The following PCDHA13 variants were observed in gnomAD, a reference collection of about 807,000 sequenced individuals.
PCDHA13 encodes protocadherin alpha-13.
Under a neutral mutation model 64.8 loss-of-function variants are expected in PCDHA13, and 54 were observed. The observed-to-expected ratio is 0.83, with a 90% CI of 0.67 to 1.04. The LOEUF (loss-of-function observed/expected upper bound fraction) is 1.04. PCDHA13 is among the 50% of genes least tolerant of loss of function. The pLI, the probability that PCDHA13 is intolerant of heterozygous loss-of-function variation, is 0.00. For missense variants in PCDHA13, 1,248 were observed against 1,254.3 expected (o/e 0.99, Z 0.08); for synonymous variants, 587 against 564.4 (o/e 1.04, Z -0.57).
chr5:140,986,413 C>G (rs2097199513), intron 3 of PCDHA13, among the ~76,000 whole-genome samples: 1 of 152,156 alleles, frequency 6.6e-6, no homozygotes, highest in African/African-American at 2.4e-5. Context: ...TGTTACAGCT[C>G]TTTTTAACTT....
intron 1 of PCDHA13, among the ~76,000 whole-genome samples, chr5:140,958,710 A>G (rs1446140877): frequency 1.3e-5 from 2 of 152,210 alleles, no homozygotes; most frequent in Non-Finnish European, 2.9e-5. Flanking sequence ...CAACTCTGTT[A>G]TAATAAATGT....
intron 3 of PCDHA13, among the ~76,000 whole-genome samples, chr5:141,005,899 A>G (rs2098245270): frequency 6.6e-6 from 1 of 151,978 alleles, no homozygotes; most frequent in East Asian, 1.9e-4. Flanking sequence ...TCAAGCAATG[A>G]TTGCACCACT....
At chr5:140,947,010 A>C (rs924112965) in intron 1 of PCDHA13, among the ~76,000 whole-genome samples, 7 of 151,752 alleles carry the variant, frequency 4.6e-5, no homozygotes, top group African/African-American at 1.4e-4. Flanking sequence ...AGAAATGATA[A>C]ATGTTTGAGG....
chr5:140,909,234 A>G (rs782659410), intron 1 of PCDHA13, among the ~76,000 whole-genome samples: 12 of 152,220 alleles, frequency 7.9e-5, no homozygotes, highest in Non-Finnish European at 1.3e-4. Context: ...GTAGGATGGT[A>G]AAGATATATT....
intron 1 of PCDHA13, among the ~76,000 whole-genome samples, chr5:140,933,949 G>A (rs184768008): frequency 6.6e-6 from 1 of 151,792 alleles, no homozygotes; most frequent in African/African-American, 2.4e-5. Flanking sequence ...CACATCTGCA[G>A]GATCTGTAGT....
At chr5:140,953,258 T>C (rs1042358653) in intron 1 of PCDHA13, among the ~76,000 whole-genome samples, 22 of 152,304 alleles carry the variant, frequency 1.4e-4, no homozygotes, top group African/African-American at 5.3e-4. Context: ...TTAGTTCTTT[T>C]AGCTTTAGCC....
intron 1 of PCDHA13, among the ~76,000 whole-genome samples, chr5:140,954,347 G>A (rs145658065): frequency 0.023 from 3,565 of 152,288 alleles, 49 homozygotes; most frequent in Middle Eastern, 0.034. Flanking sequence ...CTAGATCTTT[G>A]AGGAATCGCC....
intron 1 of PCDHA13, among the ~76,000 whole-genome samples, chr5:140,945,249 T>C (rs1181677082): frequency 6.6e-6 from 1 of 152,050 alleles, no homozygotes; most frequent in African/African-American, 2.4e-5. Flanking sequence ...ACCAAGAGGA[T>C]GAAAGACCTG....
intron 1 of PCDHA13, chr5:140,928,383 G>T (rs1474490422): frequency 2.5e-6 from 4 of 1,613,920 alleles, no homozygotes; most frequent in South Asian, 1.1e-5. Context: ...CCTCTAGCTT[G>T]CTGGCAGTGG....
intron 3 of PCDHA13, among the ~76,000 whole-genome samples, chr5:141,005,012 G>T (rs782256217): frequency 3.3e-5 from 5 of 152,212 alleles, no homozygotes; most frequent in Non-Finnish European, 4.4e-5. Context: ...CCTGAGAGCT[G>T]CATTATATAT....
chr5:140,901,575 C>T (rs1554189900), intron 1 of PCDHA13, among the ~76,000 whole-genome samples: 1 of 152,030 alleles, frequency 6.6e-6, no homozygotes, highest in African/African-American at 2.4e-5. Context: ...GTTTTTATGC[C>T]AGTGCCATGA....
intron 3 of PCDHA13, among the ~76,000 whole-genome samples, chr5:141,006,560 C>G (rs1179730864): frequency 2.0e-5 from 3 of 152,084 alleles, no homozygotes; most frequent in Non-Finnish European, 4.4e-5. Flanking sequence ...AAAGATGACT[C>G]TGGCTACTGT....
intron 1 of PCDHA13, among the ~76,000 whole-genome samples, chr5:140,925,685 G>A (rs1584406507): frequency 7.3e-6 from 1 of 137,694 alleles, no homozygotes; most frequent in South Asian, 2.3e-4. Flanking sequence ...ATAAAGCGAG[G>A]GTGGGTATCT....
At chr5:140,909,872 G>A (rs1245615872) in intron 1 of PCDHA13, among the ~76,000 whole-genome samples, 2 of 152,182 alleles carry the variant, frequency 1.3e-5, no homozygotes, top group African/African-American at 4.8e-5. Flanking sequence ...GTCAACGTCA[G>A]CTTAGAGACA....
intron 1 of PCDHA13, chr5:140,927,490 C>G: frequency 1.2e-6 from 2 of 1,614,132 alleles, no homozygotes; most frequent in Non-Finnish European, 8.5e-7. Flanking sequence ...CGCCACCCAC[C>G]TGCTGGTGCT....
chr5:140,947,760 A>C (rs1332466215), intron 1 of PCDHA13, among the ~76,000 whole-genome samples: 1 of 151,618 alleles, frequency 6.6e-6, no homozygotes, highest in Non-Finnish European at 1.5e-5. Context: ...TTATGGTTTA[A>C]AAAATTCTAT....
chr5:140,920,387 A>G (rs1163833842), intron 1 of PCDHA13, among the ~76,000 whole-genome samples: 3 of 152,098 alleles, frequency 2.0e-5, no homozygotes, highest in African/African-American at 7.2e-5. Context: ...TCATATTACC[A>G]TCTGGTGTCT....
chr5:140,928,108 G>A (rs782166106), intron 1 of PCDHA13: 5 of 1,614,072 alleles, frequency 3.1e-6, no homozygotes, highest in Admixed American at 3.3e-5. Context: ...CCTGGACCGG[G>A]AGCAGATCAG....
chr5:140,884,511 G>A lies in PCDHA13; in HGVS notation c.2243G>A (p.Trp748Ter), dbSNP rs1202323930. Residue 748 changes from tryptophan (W) to a stop codon, truncating the protein, a stop_gained, in exon 1 of 4, where the codon TGG becomes TAG. Coordinates refer to ENST00000289272, the MANE Select transcript of PCDHA13 (RefSeq NM_018904.3). LOFTEE classifies it high-confidence loss of function. ...TLVCSSAAGS[W>*]SYSQQRRPRV... Reference sequence around the variant, plus strand: ...GTGTGCTCCAGCGCGGCAGGGAGTTGGTCGTACTCGCAGCAGAGGCGGCCG... The same window carrying A: ...GTGTGCTCCAGCGCGGCAGGGAGTTAGTCGTACTCGCAGCAGAGGCGGCCG... The A allele has an allele frequency of 6.2e-7, 1 of 1,614,192 alleles. No individual in the cohort carries two copies. Among genetic ancestry groups the A allele is most frequent in the Non-Finnish European group, 8.5e-7 (1 of 1,180,026 alleles).
Sources: gnomAD v4.1 joint callset for allele counts (sites outside exome capture counted in the v4.1 genomes callset) on GRCh38, gnomAD v4.1.1 for gene constraint, MANE v1.5 for transcripts, NCBI Gene and HGNC (gene_info 2026-07-23, HGNC 2026-07-21) for gene names.